The following SKAP1 variants were observed in gnomAD, a reference collection of about 807,000 sequenced individuals.
SKAP1 encodes src kinase-associated phosphoprotein 1.
In SKAP1, 44 loss-of-function variants were observed where a neutral mutation model predicts 58.5. That is an observed-to-expected ratio of 0.75 (90% CI 0.59 to 0.97). The LOEUF (loss-of-function observed/expected upper bound fraction) is 0.97. Ranked by LOEUF, SKAP1 falls within the 50% of genes least tolerant of loss-of-function variation. The probability of loss-of-function intolerance (pLI) is 0.00; values close to 1 mark genes in which losing one functional copy is unlikely to be tolerated. For synonymous variants in SKAP1, 127 were observed against 149.7 expected (o/e 0.85, Z 1.11); for missense variants, 390 against 435.2 (o/e 0.90, Z 0.92).
chr17:48,341,214 A>G (rs1023695218), intron 4 of SKAP1, among the ~76,000 whole-genome samples: 5 of 152,080 alleles, frequency 3.3e-5, no homozygotes, highest in Middle Eastern at 3.2e-3. Context: ...ATCCCTTCCA[A>G]CTCCCAGATT....
intron 4 of SKAP1, among the ~76,000 whole-genome samples, chr17:48,338,214 A>G (rs1178864372): frequency 6.6e-6 from 1 of 151,128 alleles, no homozygotes; most frequent in Non-Finnish European, 1.5e-5. Context: ...CAGTGGCACA[A>G]TCTTGGCTCA....
rs142516955 is a variant in SKAP1 at position 48,182,395 on chromosome 17, C to A, written c.630G>T (p.Lys210Asn). ...DWVDQISFLL[K>N]DLSSLTIPYE... ...TATTTCTGTAACAATGACACTTACC[C>A]TTTAACAAGAAACTTATTTGATCCA... Residue 210 changes from lysine (K) to asparagine (N), a missense_variant and splice_region_variant, in exon 8 of 13, where the codon AAG (lysine) becomes AAT (asparagine). Coordinates refer to ENST00000336915, the MANE Select transcript of SKAP1 (RefSeq NM_003726.4). 6.2e-7 allele frequency: 1 copy of A among 1,602,240 alleles called. No individual in the cohort carries two copies. Among genetic ancestry groups the A allele is most frequent in the African/African-American group, 1.3e-5 (1 of 74,638 alleles).
intron 4 of SKAP1, among the ~76,000 whole-genome samples, chr17:48,290,861 C>T (rs1053741226): frequency 2.6e-5 from 4 of 152,168 alleles, no homozygotes; most frequent in African/African-American, 7.2e-5. Context: ...ACACTTCTGA[C>T]CTGGTGTGGT....
chr17:48,435,603 C>A, the SKAP1 span, among the ~76,000 whole-genome samples: 1 of 152,224 alleles, frequency 6.6e-6, no homozygotes, highest in Non-Finnish European at 1.5e-5. Context: ...AGAAGGACAG[C>A]AATTTTCTAA....
chr17:48,150,196 CA>C (rs1226554892), intron 11 of SKAP1, among the ~76,000 whole-genome samples: 1 of 152,090 alleles, frequency 6.6e-6, no homozygotes, highest in Non-Finnish European at 1.5e-5. Context: ...TGCCATTATC[CA>C]AATATCTTTA....
chr17:48,388,685 A>G (rs373173608), intron 2 of SKAP1, among the ~76,000 whole-genome samples: 1 of 152,202 alleles, frequency 6.6e-6, no homozygotes, highest in African/African-American at 2.4e-5. Context: ...CTAGACTTCA[A>G]TATTTGTTTA....
chr17:48,139,160 T>A (rs1444161557), intron 11 of SKAP1, among the ~76,000 whole-genome samples: 1 of 152,062 alleles, frequency 6.6e-6, no homozygotes, highest in Non-Finnish European at 1.5e-5. Context: ...ATTACAGGTG[T>A]GAGCCACTGT....
At chr17:48,224,038 A>AGAAGAAGGAGGAGG (rs1372629777) in intron 4 of SKAP1, among the ~76,000 whole-genome samples, 2 of 52,442 alleles carry the variant, frequency 3.8e-5, no homozygotes, top group Non-Finnish European at 7.3e-5. Flanking sequence ...GAGAGAGAAG[A>AGAAGAAGGAGGAGG]AGGAGGAGGA....
chr17:48,183,434 T>A (rs1210474315), intron 7 of SKAP1, among the ~76,000 whole-genome samples: 1 of 152,206 alleles, frequency 6.6e-6, no homozygotes, highest in Non-Finnish European at 1.5e-5. Flanking sequence ...TTAGTAATTT[T>A]TTTATTTTAA....
intron 4 of SKAP1, among the ~76,000 whole-genome samples, chr17:48,224,265 C>T (rs895314557): frequency 2.2e-4 from 34 of 152,252 alleles, no homozygotes; most frequent in African/African-American, 8.2e-4. Context: ...AAACATTTAT[C>T]CTATGGGTGT....
chr17:48,291,775 C>T lies in SKAP1; in HGVS notation c.280+54130G>A, dbSNP rs1019856370. Among the ~76,000 whole-genome samples the T allele has an allele frequency of 4.6e-5, 7 of 151,582 alleles. No homozygotes were observed. The East Asian group carries it at 1.3e-3, about 29-fold the overall frequency. Reference sequence around the variant, plus strand: ...ATGCGCTAAAACAAGTCTGCCTCATCATTAAGAATTGATTTTTTATTTATG... The same window carrying T: ...ATGCGCTAAAACAAGTCTGCCTCATTATTAAGAATTGATTTTTTATTTATG... On this transcript the variant is annotated intron_variant, in intron 4 of 12. Transcript: ENST00000336915.
chr17:48,427,772 T>G (rs1414963028), intron 1 of SKAP1, among the ~76,000 whole-genome samples: 1 of 151,840 alleles, frequency 6.6e-6, no homozygotes, highest in Non-Finnish European at 1.5e-5. Flanking sequence ...AAGTAGTAAT[T>G]CATTGTGGAA....
intron 2 of SKAP1, among the ~76,000 whole-genome samples, chr17:48,386,399 T>G (rs1473746169): frequency 6.7e-6 from 1 of 149,504 alleles, no homozygotes. Context: ...TCTGAGAAAC[T>G]GAATTTAAAA....
chr17:48,436,770 C>T, the SKAP1 span, among the ~76,000 whole-genome samples: 21 of 152,270 alleles, frequency 1.4e-4, no homozygotes, highest in South Asian at 1.9e-3. Context: ...CGTCTCTTAA[C>T]CTTGCCTGCC....
chr17:48,229,990 C>T (rs369286453), intron 4 of SKAP1, among the ~76,000 whole-genome samples: 16 of 152,224 alleles, frequency 1.1e-4, no homozygotes, highest in East Asian at 9.7e-4. Flanking sequence ...TTTCAAAATT[C>T]GCCTCCATGC....
intron 11 of SKAP1, among the ~76,000 whole-genome samples, chr17:48,146,917 C>T (rs1484331886): frequency 3.3e-5 from 5 of 152,226 alleles, no homozygotes; most frequent in Non-Finnish European, 5.9e-5. Flanking sequence ...GCGTGAGCCA[C>T]TGCGCCTGGC....
the SKAP1 span, among the ~76,000 whole-genome samples, chr17:48,437,056 C>T: frequency 6.6e-6 from 1 of 151,978 alleles, no homozygotes; most frequent in Non-Finnish European, 1.5e-5. Context: ...TTCTCCCATC[C>T]CTCTTCTTTC....
chr17:48,165,354 C>T (rs1279261626), intron 10 of SKAP1, among the ~76,000 whole-genome samples: 2 of 151,344 alleles, frequency 1.3e-5, no homozygotes, highest in Non-Finnish European at 1.5e-5. Flanking sequence ...CAAGAGAATG[C>T]ATGAGGAGAC....
chr17:48,194,510 GAA>G (rs892200928), intron 4 of SKAP1, among the ~76,000 whole-genome samples: 5 of 152,086 alleles, frequency 3.3e-5, no homozygotes, highest in African/African-American at 1.2e-4. Flanking sequence ...AGCCCACTGA[GAA>G]AAGAGAATTG....
Sources: gnomAD v4.1 joint callset for allele counts (sites outside exome capture counted in the v4.1 genomes callset) on GRCh38, gnomAD v4.1.1 for gene constraint, MANE v1.5 for transcripts, NCBI Gene and HGNC (gene_info 2026-07-23, HGNC 2026-07-21) for gene names.